Variants in MTRFR observed in about 807,000 individuals in gnomAD.
MTRFR encodes mitochondrial translation release factor in rescue, also known as probable peptide chain release factor C12orf65, mitochondrial.
MTRFR carries 10 observed loss-of-function variants against 11.9 expected under a neutral mutation model. The ratio of observed to expected loss-of-function variants is 0.84; its 90% confidence interval spans 0.52 to 1.42. The LOEUF is 1.42. Among genes scored for constraint, MTRFR ranks in the 40% most tolerant of loss-of-function variants. MTRFR has a pLI of 0.00. For synonymous variants in MTRFR, 77 were observed against 79.1 expected (o/e 0.97, Z 0.14); for missense variants, 196 against 197.9 (o/e 0.99, Z 0.06).
intron 1 of MTRFR, among the ~76,000 whole-genome samples, chr12:123,239,405 T>G (rs2047895564): frequency 1.2e-5 from 1 of 80,012 alleles, no homozygotes; most frequent in South Asian, 5.6e-4. Context: ...TAGTTTTGTT[T>G]TTTTGTTTGT....
intron 1 of MTRFR, among the ~76,000 whole-genome samples, chr12:123,243,346 T>C (rs2047975217): frequency 6.6e-6 from 1 of 151,772 alleles, no homozygotes; most frequent in Non-Finnish European, 1.5e-5. Flanking sequence ...CTGGCTAACA[T>C]GGCAAAACCC....
chr12:123,233,426 G>C (rs1013660494), upstream of MTRFR: 1 of 152,268 alleles, frequency 6.6e-6, no homozygotes, highest in South Asian at 2.1e-4. Context: ...AACCGCGATC[G>C]GAGTACGGCG....
At chr12:123,238,450 C>G (rs2047884392) in intron 1 of MTRFR, among the ~76,000 whole-genome samples, 1 of 152,036 alleles carries the variant, frequency 6.6e-6, no homozygotes, top group Non-Finnish European at 1.5e-5. Context: ...CTCCTGAATT[C>G]TTGTCTCAGT....
At chr12:123,247,537 A>T (rs749487872) in intron 1 of MTRFR, among the ~76,000 whole-genome samples, 1 of 152,024 alleles carries the variant, frequency 6.6e-6, no homozygotes, top group East Asian at 1.9e-4. Context: ...GTGAGTCTTT[A>T]TGTGTTAGGT....
intron 1 of MTRFR, among the ~76,000 whole-genome samples, chr12:123,238,141 C>T (rs2047879995): frequency 6.6e-6 from 1 of 152,112 alleles, no homozygotes; most frequent in Non-Finnish European, 1.5e-5. Flanking sequence ...GGCAATCCAC[C>T]CTCAGCCTCC....
intron 1 of MTRFR, among the ~76,000 whole-genome samples, chr12:123,237,767 G>C (rs2047874085): frequency 6.6e-6 from 1 of 152,176 alleles, no homozygotes; most frequent in South Asian, 2.1e-4. Context: ...ATACTCACTG[G>C]TTCCATTTGA....
At chr12:123,233,298 T>G (rs1309231990), upstream of MTRFR, 1 of 152,294 alleles carries the variant, frequency 6.6e-6, no homozygotes. Flanking sequence ...GGGGCGGGAT[T>G]GCTGTGAAAC....
intron 1 of MTRFR, among the ~76,000 whole-genome samples, chr12:123,239,451 A>G (rs1050404283): frequency 6.6e-6 from 1 of 152,058 alleles, no homozygotes; most frequent in African/African-American, 2.4e-5. Flanking sequence ...TTGCCAGGCT[A>G]GAGTGCAATG....
At chr12:123,247,106 C>A (rs2048053994) in intron 1 of MTRFR, among the ~76,000 whole-genome samples, 1 of 152,088 alleles carries the variant, frequency 6.6e-6, no homozygotes, top group Non-Finnish European at 1.5e-5. Flanking sequence ...GTTCCATGTA[C>A]TGTTGAATAG....
At chr12:123,254,115 G>A (rs1302883375) in intron 2 of MTRFR, 159 bp downstream of exon 2, 5 of 809,308 alleles carry the variant, frequency 6.2e-6, no homozygotes, top group South Asian at 1.8e-5. Flanking sequence ...CGCAGATCTC[G>A]TCCCATCCCT....
chr12:123,245,990 G>A (rs182236238), intron 1 of MTRFR, among the ~76,000 whole-genome samples: 13 of 152,254 alleles, frequency 8.5e-5, no homozygotes. Flanking sequence ...CCAATTCTCA[G>A]GGGGAACAGT....
In MTRFR at chr12:123,244,930, A is replaced by ATTTTT. The variant is rs544105176; in HGVS notation, c.-28-8691_-28-8687dup. ...ACAGGTATGAGCCACCGCACCCGGC[A>ATTTTT]TTTTTTTTTTTTTTTTTTTTTTTTT... On this transcript the variant is annotated intron_variant, in intron 1 of 2. Transcript: ENST00000253233. Among the ~76,000 whole-genome samples the ATTTTT allele has an allele frequency of 2.6e-3, 167 of 65,082 alleles. 16 individuals carry two copies. The highest frequency in any genetic ancestry group is 0.011 in the African/African-American group (113 of 9,836). 42.7% of individuals were successfully genotyped at this position (65,082 alleles called of 152,430 possible). A position where few individuals can be genotyped will look rare whatever the true frequency, so the allele number is the denominator to read the frequency against.
intron 1 of MTRFR, among the ~76,000 whole-genome samples, chr12:123,240,339 C>G (rs1007708521): frequency 5.3e-5 from 8 of 151,120 alleles, no homozygotes; most frequent in Non-Finnish European, 5.9e-5. Flanking sequence ...GTGACGGAGA[C>G]TCCGTCTAAA....
chr12:123,234,408 G>A (rs895594084), intron 1 of MTRFR, among the ~76,000 whole-genome samples: 1 of 150,424 alleles, frequency 6.6e-6, no homozygotes, highest in Non-Finnish European at 1.5e-5. Flanking sequence ...GGGGAGGGGG[G>A]TAGGGGGGAC....
chr12:123,240,867 T>C (rs1198190266), intron 1 of MTRFR, among the ~76,000 whole-genome samples: 1 of 150,560 alleles, frequency 6.6e-6, no homozygotes, highest in African/African-American at 2.4e-5. Flanking sequence ...AGCACACCAC[T>C]GCACCCAGCT....
At chr12:123,247,646 G>A (rs967027019) in intron 1 of MTRFR, among the ~76,000 whole-genome samples, 2 of 152,202 alleles carry the variant, frequency 1.3e-5, no homozygotes, top group East Asian at 1.9e-4. Flanking sequence ...TTCAATGTTA[G>A]TATTGAAATG....
intron 1 of MTRFR, chr12:123,252,579 T>C (rs1461832668): frequency 6.6e-6 from 1 of 150,704 alleles, no homozygotes; most frequent in Non-Finnish European, 1.5e-5. Context: ...CATTGATTGA[T>C]AGTGATGTTT....
Position 123,236,509 on chromosome 12 carries a change from G to C in MTRFR, c.-29+2978G>C, listed in dbSNP as rs182034783. Among the ~76,000 whole-genome samples, 756 of 151,734 alleles carry C rather than the reference G, an allele frequency of 5.0e-3. 20 individuals carry two copies. Among genetic ancestry groups the C allele is most frequent in the Admixed American group, 0.045 (690 of 15,252 alleles). ...TGGGGAGGCTGAGGCAAAGAAGCTT[G>C]CTTGAGCCCAGGAGGTCAAGGCTGC... is the stretch of plus-strand genomic sequence containing the variant. On this transcript the variant is annotated intron_variant, in intron 1 of 2. Coordinates refer to ENST00000253233, the MANE Select transcript of MTRFR (RefSeq NM_152269.5).
chr12:123,253,908 C>T lies in MTRFR; in HGVS notation c.234C>T (p.Thr78=), dbSNP rs140942886. 5.0e-6 allele frequency: 8 copies of T among 1,614,088 alleles called. No individual in the cohort carries two copies. In the South Asian group the frequency reaches 8.8e-5, roughly 18 times the overall value. Residue 78 remains threonine (T), a synonymous_variant, in exon 2 of 3, where the codon ACC becomes ACT. Coordinates refer to ENST00000253233, the MANE Select transcript of MTRFR (RefSeq NM_152269.5). ...HGPGGQATNK[T]SNCVVLKHIP... is the part of the protein sequence containing the mutation. ...CAGGGGGCCAGGCAACCAACAAAAC[C>T]AGCAACTGCGTGGTGCTGAAGCACA...
Sources: allele counts gnomAD v4.1 joint callset (sites outside exome capture counted in the v4.1 genomes callset), GRCh38; gene constraint gnomAD v4.1.1; transcripts MANE v1.5; gene names NCBI Gene and HGNC (gene_info 2026-07-23, HGNC 2026-07-21).